The following WWOX variants were observed in gnomAD, a reference collection of about 807,000 sequenced individuals.
The protein encoded by WWOX is WW domain containing oxidoreductase, also known as WW domain-containing oxidoreductase.
In WWOX, 69 loss-of-function variants were observed where a neutral mutation model predicts 46.2. That is an observed-to-expected ratio of 1.49 (90% CI 1.23 to 1.82). The LOEUF is 1.82. Among genes scored for constraint, WWOX ranks in the 40% most tolerant of loss-of-function variants. The probability of loss-of-function intolerance (pLI) is 0.00; values close to 1 mark genes in which losing one functional copy is unlikely to be tolerated. For synonymous variants in WWOX, 359 were observed against 202.6 expected (o/e 1.77, Z -6.56); for missense variants, 919 against 542.6 (o/e 1.69, Z -6.89).
intron 8 of WWOX, among the ~76,000 whole-genome samples, chr16:78,871,166 G>A (rs981663972): frequency 1.4e-5 from 2 of 145,142 alleles, no homozygotes; most frequent in African/African-American, 2.7e-5. Context: ...CAACTTTCGT[G>A]AAGGTTGTTT....
intron 8 of WWOX, among the ~76,000 whole-genome samples, chr16:78,960,311 G>C (rs922132094): frequency 6.6e-6 from 1 of 152,206 alleles, no homozygotes; most frequent in African/African-American, 2.4e-5. Flanking sequence ...ATATTTTCTA[G>C]CGTAACGTTT....
At chr16:78,444,399 C>G (rs910138094) in intron 8 of WWOX, among the ~76,000 whole-genome samples, 4 of 152,120 alleles carry the variant, frequency 2.6e-5, no homozygotes, top group African/African-American at 9.7e-5. Context: ...AAAAAGGAGA[C>G]TAACATGGGC....
intron 5 of WWOX, among the ~76,000 whole-genome samples, chr16:78,312,862 T>C (rs2080275930): frequency 2.0e-5 from 3 of 152,116 alleles, no homozygotes; most frequent in Admixed American, 2.0e-4. Context: ...GCCTCCGAGG[T>C]GGTAGCACGC....
intron 6 of WWOX, among the ~76,000 whole-genome samples, chr16:78,412,643 T>G (rs574239426): frequency 1.3e-5 from 2 of 152,014 alleles, no homozygotes; most frequent in East Asian, 3.9e-4. Flanking sequence ...GAGCCAGAAG[T>G]GAGGGAGGAG....
chr16:78,813,098 T>C (rs2051233486), intron 8 of WWOX, among the ~76,000 whole-genome samples: 1 of 151,824 alleles, frequency 6.6e-6, no homozygotes, highest in Non-Finnish European at 1.5e-5. Context: ...TTTTTTTTTT[T>C]CCAACTTGTA....
At position 78,492,204 on chromosome 16, in the gene WWOX, GTT is replaced by G. The variant is rs570568654; in HGVS notation, c.1056+59454_1056+59455del. ...TCCATTAGGTGACAGTGTGTGCACAGTTTATGGAGGATGAAGCGGGAAACCTG... is the reference window on the plus strand; with the variant it reads ...TCCATTAGGTGACAGTGTGTGCACAGTATGGAGGATGAAGCGGGAAACCTG... On this transcript the variant is annotated intron_variant, in intron 8 of 8. Coordinates refer to ENST00000566780, the MANE Select transcript of WWOX (RefSeq NM_016373.4). 8.3e-3 allele frequency among the ~76,000 whole-genome samples: 1,264 copies of G among 152,340 alleles called. 16 individuals are homozygous for G. Among genetic ancestry groups the G allele is most frequent in the Non-Finnish European group, 9.2e-3 (623 of 68,028 alleles).
In WWOX at chr16:78,593,174, TATCCTGATTCTTTTGAGGATCACTTG is replaced by T. The variant is rs562687178; in HGVS notation, c.1056+160432_1056+160457del. On this transcript the variant is annotated intron_variant, in intron 8 of 8. Transcript: ENST00000566780. Reference sequence around the variant, plus strand: ...CACCCTACCTTGCTCCCCTGGAGTGTATCCTGATTCTTTTGAGGATCACTTGATCCTGATTTTTTTTTTATGTGTAT... The same window carrying T: ...CACCCTACCTTGCTCCCCTGGAGTGTATCCTGATTTTTTTTTTATGTGTAT... 2.9e-4 allele frequency among the ~76,000 whole-genome samples: 44 copies of T among 152,078 alleles called. No individual in the cohort carries two copies. The South Asian group carries it at 9.0e-3, about 31-fold the overall frequency.
chr16:78,185,719 T>G (rs1429404554), intron 5 of WWOX, among the ~76,000 whole-genome samples: 1 of 152,114 alleles, frequency 6.6e-6, no homozygotes, highest in Non-Finnish European at 1.5e-5. Flanking sequence ...CAGGCTAGAG[T>G]ACAGTGGCGT....
At chr16:78,976,444 C>T (rs932299391) in intron 8 of WWOX, among the ~76,000 whole-genome samples, 4 of 152,182 alleles carry the variant, frequency 2.6e-5, no homozygotes, top group Non-Finnish European at 5.9e-5. Flanking sequence ...GACTAACAGC[C>T]ACATGGCACG....
intron 5 of WWOX, among the ~76,000 whole-genome samples, chr16:78,385,617 C>T (rs75782607): frequency 2.2e-4 from 34 of 152,248 alleles, no homozygotes; most frequent in Non-Finnish European, 4.4e-4. Context: ...GCTGCAATTA[C>T]GCTGAACGTC....
chr16:78,408,377 C>T (rs2082599064), intron 6 of WWOX, among the ~76,000 whole-genome samples: 1 of 152,110 alleles, frequency 6.6e-6, no homozygotes, highest in African/African-American at 2.4e-5. Context: ...CCAGACCCAG[C>T]CACATGGGGC....
intron 8 of WWOX, among the ~76,000 whole-genome samples, chr16:78,909,028 G>T (rs1218096659): frequency 6.6e-6 from 1 of 152,190 alleles, no homozygotes; most frequent in African/African-American, 2.4e-5. Flanking sequence ...GGAAAGGGCT[G>T]TTATCATCTT....
intron 8 of WWOX, among the ~76,000 whole-genome samples, chr16:79,059,577 G>A (rs542564546): frequency 1.3e-5 from 2 of 152,180 alleles, no homozygotes; most frequent in East Asian, 1.9e-4. Flanking sequence ...TGCAGCCTCC[G>A]CCTTCCGGGT....
intron 8 of WWOX, among the ~76,000 whole-genome samples, chr16:78,799,461 TAG>T (rs1476364475): frequency 1.3e-5 from 2 of 152,238 alleles, no homozygotes; most frequent in East Asian, 1.9e-4. Context: ...TCACCAGGGA[TAG>T]AGTCTCAAAG....
chr16:78,617,030 T>A (rs113716765), intron 8 of WWOX, among the ~76,000 whole-genome samples: 5 of 152,344 alleles, frequency 3.3e-5, no homozygotes, highest in Admixed American at 2.6e-4. Context: ...TTTGGCAGCC[T>A]TGCCATGCAT....
At chr16:79,035,054 A>G (rs568204235) in intron 8 of WWOX, among the ~76,000 whole-genome samples, 11 of 152,316 alleles carry the variant, frequency 7.2e-5, no homozygotes, top group Middle Eastern at 6.8e-3. Context: ...CCTACATTCA[A>G]CATTGTACTC....
At chr16:78,526,736 C>G (rs2043478972) in intron 8 of WWOX, among the ~76,000 whole-genome samples, 1 of 152,150 alleles carries the variant, frequency 6.6e-6, no homozygotes, top group South Asian at 2.1e-4. Context: ...AGTCCATGCC[C>G]AGGCCCCTAC....
At chr16:78,913,445 G>T (rs2045163870) in intron 8 of WWOX, among the ~76,000 whole-genome samples, 1 of 151,838 alleles carries the variant, frequency 6.6e-6, no homozygotes, top group Non-Finnish European at 1.5e-5. Flanking sequence ...AACCCTCACG[G>T]CTCTTTCCCC....
At chr16:78,109,239 C>A (rs925959289) in intron 2 of WWOX, among the ~76,000 whole-genome samples, 4 of 152,004 alleles carry the variant, frequency 2.6e-5, no homozygotes, top group African/African-American at 9.7e-5. Context: ...GTGATCCCAG[C>A]CCTTTGGGAG....
Sources: allele counts gnomAD v4.1 joint callset (sites outside exome capture counted in the v4.1 genomes callset), GRCh38; gene constraint gnomAD v4.1.1; transcripts MANE v1.5; gene names NCBI Gene and HGNC (gene_info 2026-07-23, HGNC 2026-07-21).